Variants in ARHGAP24 observed in about 807,000 individuals in gnomAD.
The protein encoded by ARHGAP24 is Rho GTPase activating protein 24.
A neutral mutation model predicts 76.4 loss-of-function variants in ARHGAP24; 50 were observed. The ratio of observed to expected loss-of-function variants is 0.65; its 90% CI spans 0.52 to 0.83. The LOEUF is 0.83. Ranked by LOEUF, ARHGAP24 falls within the 40% of genes least tolerant of loss-of-function variation. The pLI is 0.00. For synonymous variants in ARHGAP24, 345 were observed against 323.3 expected, an observed-to-expected ratio of 1.07 and a Z score of -0.72; for missense variants, 930 against 914.2, an observed-to-expected ratio of 1.02 and a Z score of -0.22.
chr4:85,834,925 G>A (rs1261241637), intron 3 of ARHGAP24, among the ~76,000 whole-genome samples: 1 of 152,148 alleles, frequency 6.6e-6, no homozygotes, highest in Non-Finnish European at 1.5e-5. Context: ...AATACTGAGA[G>A]TATAAAAAGT....
chr4:85,478,530 CTG>C (rs768523357), intron 1 of ARHGAP24, among the ~76,000 whole-genome samples: 2 of 152,266 alleles, frequency 1.3e-5, no homozygotes, highest in Non-Finnish European at 2.9e-5. Context: ...CTACACTCCA[CTG>C]TGGCATTGCT....
chr4:85,980,779 G>A (rs564195129), intron 8 of ARHGAP24, among the ~76,000 whole-genome samples: 1 of 152,106 alleles, frequency 6.6e-6, no homozygotes, highest in African/African-American at 2.4e-5. Flanking sequence ...GAGGTCCATG[G>A]CCTCAAATGT....
intron 1 of ARHGAP24, among the ~76,000 whole-genome samples, chr4:85,516,477 A>G (rs1421412975): frequency 1.3e-5 from 2 of 152,218 alleles, no homozygotes; most frequent in Non-Finnish European, 2.9e-5. Context: ...TGCAGTTTCC[A>G]AGAACCTATG....
At chr4:85,480,974 ATAAAG>A (rs968075597) in intron 1 of ARHGAP24, among the ~76,000 whole-genome samples, 22 of 152,300 alleles carry the variant, frequency 1.4e-4, no homozygotes, top group African/African-American at 5.1e-4. Context: ...CCTTCAGAAA[ATAAAG>A]TAATTTTTCA....
chr4:85,715,361 A>T lies in ARHGAP24; in HGVS notation c.181-6524A>T, dbSNP rs146945110. On this transcript the variant is annotated intron_variant, in intron 2 of 9. Transcript: ENST00000395184. The stretch of plus-strand genomic sequence containing the variant: ...ATTTCATTATTTGGGGATTTGCAAA[A>T]TATGGGCCCAAAATAGCTTAAAGGT... Among the ~76,000 whole-genome samples, 800 of 152,182 alleles carry T rather than the reference A, an allele frequency of 5.3e-3. 6 individuals carry two copies. The highest frequency in any genetic ancestry group is 0.018 in the African/African-American group (757 of 41,544).
rs189810097 is a variant in ARHGAP24, at chr4:85,761,932, G to A, written c.268+39960G>A. Among the ~76,000 whole-genome samples, 308 of 152,284 alleles carry A rather than the reference G, an allele frequency of 2.0e-3. 2 individuals carry two copies. The highest frequency in any genetic ancestry group is 7.1e-3 in the African/African-American group (295 of 41,560). ...AAGGAAGACTGAGTCCATAGTAACCGCTGTATTATGATCAACAGTCCTATT... is the reference window on the plus strand; with the variant it reads ...AAGGAAGACTGAGTCCATAGTAACCACTGTATTATGATCAACAGTCCTATT... On this transcript the variant is annotated intron_variant, in intron 3 of 9. Coordinates refer to ENST00000395184, the MANE Select transcript of ARHGAP24 (RefSeq NM_001025616.3).
intron 4 of ARHGAP24, chr4:85,924,800 G>A (rs1047006873): frequency 6.6e-6 from 1 of 152,002 alleles, no homozygotes; most frequent in African/African-American, 2.4e-5. Context: ...CTAGATTAAT[G>A]GCACATGTTT....
chr4:85,974,802 T>TA (rs1739229476), intron 6 of ARHGAP24, 86 bp from the exon 7 acceptor site: 16 of 1,295,838 alleles, frequency 1.2e-5, no homozygotes, highest in Non-Finnish European at 1.6e-5. Flanking sequence ...ACTAATTTTT[T>TA]AAAAAATTAT....
chr4:85,523,425 A>G (rs564984620), intron 1 of ARHGAP24, among the ~76,000 whole-genome samples: 3 of 152,258 alleles, frequency 2.0e-5, no homozygotes, highest in African/African-American at 7.2e-5. Context: ...AAGAAGGTAG[A>G]TCAATTTTAG....
chr4:85,550,365 G>A (rs946877619), intron 1 of ARHGAP24, among the ~76,000 whole-genome samples: 1 of 152,086 alleles, frequency 6.6e-6, no homozygotes, highest in African/African-American at 2.4e-5. Context: ...TAGGTGTCTG[G>A]CGTTATTTTT....
At chr4:85,654,159 T>G (rs1261836218) in intron 2 of ARHGAP24, among the ~76,000 whole-genome samples, 1 of 152,150 alleles carries the variant, frequency 6.6e-6, no homozygotes. Context: ...ATGCTGGAAG[T>G]TGAAAATCAA....
chr4:85,882,925 T>A (rs7688236), intron 3 of ARHGAP24, among the ~76,000 whole-genome samples: 133,498 of 152,138 alleles, frequency 0.88, 58,650 homozygotes, highest in East Asian at 0.99. Flanking sequence ...ACTGCTTAGT[T>A]CTCAATTTAC....
intron 1 of ARHGAP24, among the ~76,000 whole-genome samples, chr4:85,547,612 T>C (rs922354042): frequency 2.6e-5 from 4 of 152,010 alleles, no homozygotes; most frequent in Non-Finnish European, 4.4e-5. Flanking sequence ...AATTTTGTAA[T>C]TTTGTGGAGA....
intron 5 of ARHGAP24, among the ~76,000 whole-genome samples, chr4:85,969,845 G>A (rs1485943983): frequency 6.6e-6 from 1 of 152,088 alleles, no homozygotes; most frequent in Non-Finnish European, 1.5e-5. Context: ...AATTAATGAG[G>A]ATTGCAGTTT....
chr4:85,572,874 CTTTT>C lies in ARHGAP24; in HGVS notation c.180+2170_180+2173del, dbSNP rs775780758. 1.1e-4 allele frequency among the ~76,000 whole-genome samples: 14 copies of C among 124,278 alleles called. No individual in the cohort carries two copies. In the South Asian group the frequency reaches 1.3e-3, roughly 11 times the overall value. 81.5% of individuals were successfully genotyped at this position (124,278 alleles called of 152,430 possible). ...TAAATAACTTTATTCTTTTTTCTTTCTTTTTTTTTTTTTTTTTTTTGAGATGGAG... is the reference window on the plus strand; with the variant it reads ...TAAATAACTTTATTCTTTTTTCTTTCTTTTTTTTTTTTTTTTGAGATGGAG... On this transcript the variant is annotated intron_variant, in intron 2 of 9. Transcript: ENST00000395184.
At chr4:85,532,020 T>A (rs1036345680) in intron 1 of ARHGAP24, among the ~76,000 whole-genome samples, 2 of 152,110 alleles carry the variant, frequency 1.3e-5, no homozygotes, top group Non-Finnish European at 2.9e-5. Flanking sequence ...TTATGAATAA[T>A]AGATAGTGAT....
Position 85,996,749 on chromosome 4 carries a change from A to T in ARHGAP24, c.2003+1092A>T, listed in dbSNP as rs114932432. On this transcript the variant is annotated intron_variant, in intron 9 of 9. Coordinates refer to ENST00000395184, the MANE Select transcript of ARHGAP24 (RefSeq NM_001025616.3). ...GAGATTTAAAGAAAAATATAGGGTC[A>T]TTATCTTAAAAGGTTACTCTTCTTT... Among the ~76,000 whole-genome samples, 809 of 152,288 alleles carry T rather than the reference A, an allele frequency of 5.3e-3. 5 individuals carry two copies. The highest frequency in any genetic ancestry group is 0.017 in the African/African-American group (723 of 41,548).
At chr4:85,974,581 T>A (rs886819404) in intron 6 of ARHGAP24, among the ~76,000 whole-genome samples, 1 of 152,214 alleles carries the variant, frequency 6.6e-6, no homozygotes, top group Non-Finnish European at 1.5e-5. Context: ...CTTCTTCAAA[T>A]AATTTTATTA....
At chr4:85,662,126 C>T (rs1722413420) in intron 2 of ARHGAP24, among the ~76,000 whole-genome samples, 6 of 152,190 alleles carry the variant, frequency 3.9e-5, no homozygotes, top group Admixed American at 3.9e-4. Flanking sequence ...AGTTTACAGT[C>T]CCACCAACAG....
Sources: gnomAD v4.1 joint callset for allele counts (sites outside exome capture counted in the v4.1 genomes callset) on GRCh38, gnomAD v4.1.1 for gene constraint, MANE v1.5 for transcripts, NCBI Gene and HGNC (gene_info 2026-07-23, HGNC 2026-07-21) for gene names.